CSMD1: variants seen among roughly 807,000 people sequenced by gnomAD.
CSMD1 encodes the protein CUB and sushi domain-containing protein 1.
A neutral mutation model predicts 417.5 loss-of-function variants in CSMD1; 213 were observed. The observed-to-expected ratio is 0.51, with a 90% confidence interval of 0.46 to 0.57. The LOEUF is 0.57. Among genes scored for constraint, CSMD1 ranks in the 20% least tolerant of loss-of-function variants. The pLI, the probability that CSMD1 is intolerant of heterozygous loss-of-function variation, is 0.00. For missense variants in CSMD1, 6,923 were observed against 4,529.7 expected (o/e 1.53, Z -15.17); for synonymous variants, 2,862 against 1,736.8 (o/e 1.65, Z -16.11).
chr8:3,262,376 T>C (rs1165825977), intron 26 of CSMD1, among the ~76,000 whole-genome samples: 2 of 151,066 alleles, frequency 1.3e-5, no homozygotes, highest in Non-Finnish European at 2.9e-5. Context: ...TATTGGTAAA[T>C]CTGAAGATGA....
At chr8:4,939,586 A>G (rs935192047) in intron 1 of CSMD1, among the ~76,000 whole-genome samples, 2 of 152,248 alleles carry the variant, frequency 1.3e-5, no homozygotes, top group Non-Finnish European at 2.9e-5. Context: ...TGTAGAATCT[A>G]AAATAGTTGA....
intron 5 of CSMD1, among the ~76,000 whole-genome samples, chr8:3,916,937 A>G (rs965708672): frequency 2.0e-5 from 3 of 152,120 alleles, no homozygotes; most frequent in South Asian, 2.1e-4. Context: ...AATCTGCACT[A>G]AAAGCTGCTC....
chr8:3,834,895 A>C (rs1362238957), intron 5 of CSMD1, among the ~76,000 whole-genome samples: 16 of 152,080 alleles, frequency 1.1e-4, no homozygotes, highest in Admixed American at 8.5e-4. Context: ...ACCCCATCAA[A>C]AAGTGGGTGA....
At chr8:4,871,976 C>T (rs902479653) in intron 1 of CSMD1, among the ~76,000 whole-genome samples, 6 of 152,080 alleles carry the variant, frequency 3.9e-5, no homozygotes, top group Admixed American at 6.5e-5. Flanking sequence ...GACAGCAGCA[C>T]GGCCCCAGCA....
intron 5 of CSMD1, among the ~76,000 whole-genome samples, chr8:3,925,547 G>C (rs1466293322): frequency 6.6e-6 from 1 of 152,164 alleles, no homozygotes; most frequent in Non-Finnish European, 1.5e-5. Flanking sequence ...CCCAGGTGTT[G>C]TGAGAGGGAC....
intron 5 of CSMD1, among the ~76,000 whole-genome samples, chr8:3,781,682 T>C (rs894898063): frequency 2.0e-5 from 3 of 152,194 alleles, no homozygotes; most frequent in African/African-American, 7.2e-5. Flanking sequence ...GTTTCCATCC[T>C]GGACTCCAGC....
chr8:4,274,199 G>A (rs932401047), intron 3 of CSMD1, among the ~76,000 whole-genome samples: 1 of 152,154 alleles, frequency 6.6e-6, no homozygotes, highest in East Asian at 1.9e-4. Flanking sequence ...CAGAACCAGA[G>A]AAGAAAATAG....
intron 3 of CSMD1, among the ~76,000 whole-genome samples, chr8:4,316,988 T>C (rs1157549980): frequency 2.0e-5 from 3 of 152,156 alleles, no homozygotes; most frequent in Non-Finnish European, 4.4e-5. Context: ...CAATCGACTC[T>C]TATTGAGCAT....
intron 1 of CSMD1, among the ~76,000 whole-genome samples, chr8:4,819,392 T>G (rs897182885): frequency 6.6e-6 from 1 of 152,146 alleles, no homozygotes; most frequent in Non-Finnish European, 1.5e-5. Context: ...ATTTGTTTCA[T>G]TTTATGTCAT....
intron 1 of CSMD1, among the ~76,000 whole-genome samples, chr8:4,662,044 A>G (rs973927105): frequency 1.3e-5 from 2 of 152,188 alleles, no homozygotes; most frequent in African/African-American, 4.8e-5. Flanking sequence ...CAGGTCAATG[A>G]TGTAACTGTG....
intron 12 of CSMD1, among the ~76,000 whole-genome samples, chr8:3,462,261 G>C (rs1393275082): frequency 6.6e-6 from 1 of 152,116 alleles, no homozygotes; most frequent in African/African-American, 2.4e-5. Flanking sequence ...AATTGCTTCA[G>C]TTTGGAAGAC....
chr8:3,742,226 G>A (rs1481044409), intron 6 of CSMD1, among the ~76,000 whole-genome samples: 1 of 152,076 alleles, frequency 6.6e-6, no homozygotes, highest in Non-Finnish European at 1.5e-5. Context: ...ATGTTCTGTA[G>A]ATAGATTTAA....
At position 3,957,223 on chromosome 8, in the gene CSMD1, T is replaced by C. The variant is rs539972810; in HGVS notation, c.818+40680A>G. ...ATTTCTCAAAATGAGAAGACAGAAA[T>C]ATAGGAGCAAAGACAGTCTTTGTGT... is the stretch of plus-strand genomic sequence containing the variant. On this transcript the variant is annotated intron_variant, in intron 5 of 69. Transcript: ENST00000635120. Among the ~76,000 whole-genome samples the C allele has an allele frequency of 2.0e-5, 3 of 152,216 alleles. No individual in the cohort carries two copies. In the South Asian group the frequency reaches 6.2e-4, roughly 32 times the overall value.
chr8:4,234,416 C>G (rs931838490), intron 3 of CSMD1, among the ~76,000 whole-genome samples: 4 of 152,122 alleles, frequency 2.6e-5, no homozygotes, highest in African/African-American at 9.7e-5. Flanking sequence ...TCAGTCTGCT[C>G]TTCCATGGAA....
rs577829427 is a variant in CSMD1, at chr8:4,356,408, A to G, written c.415+63545T>C. 1.9e-3 allele frequency among the ~76,000 whole-genome samples: 296 copies of G among 152,182 alleles called. 3 individuals are homozygous for G. Among genetic ancestry groups the G allele is most frequent in the African/African-American group, 6.5e-3 (271 of 41,536 alleles). On this transcript the variant is annotated intron_variant, in intron 3 of 69. Coordinates refer to ENST00000635120, the MANE Select transcript of CSMD1 (RefSeq NM_033225.6). ...TTTGGGTTGGTTCTACGATTTTGCA[A>G]TTGTCAATTGTGCTACTATAAACAT... is the stretch of plus-strand genomic sequence containing the variant.
At chr8:3,296,831 T>G (rs1156956928) in intron 25 of CSMD1, among the ~76,000 whole-genome samples, 1 of 152,116 alleles carries the variant, frequency 6.6e-6, no homozygotes, top group Non-Finnish European at 1.5e-5. Context: ...ATGGGGAAAA[T>G]CAGAGTTTCT....
At chr8:3,793,096 A>G (rs1374075751) in intron 5 of CSMD1, among the ~76,000 whole-genome samples, 2 of 152,186 alleles carry the variant, frequency 1.3e-5, no homozygotes, top group Admixed American at 6.5e-5. Context: ...AACACTTCCA[A>G]AAGTGTCTCG....
intron 7 of CSMD1, among the ~76,000 whole-genome samples, chr8:3,702,493 C>CAGA (rs761041681): frequency 1.3e-5 from 2 of 152,104 alleles, no homozygotes; most frequent in Non-Finnish European, 2.9e-5. Flanking sequence ...GAAGAATGCT[C>CAGA]AGAAGAAGAA....
intron 5 of CSMD1, among the ~76,000 whole-genome samples, chr8:3,755,065 T>C (rs1275535303): frequency 1.3e-5 from 2 of 152,090 alleles, no homozygotes; most frequent in Non-Finnish European, 2.9e-5. Context: ...GAAACAATCA[T>C]GTGTTTTATT....
Sources: allele counts gnomAD v4.1 joint callset (sites outside exome capture counted in the v4.1 genomes callset), GRCh38; gene constraint gnomAD v4.1.1; transcripts MANE v1.5; gene names NCBI Gene and HGNC (gene_info 2026-07-23, HGNC 2026-07-21).